Variants in RYR1 observed in about 807,000 individuals in gnomAD.
The protein encoded by RYR1 is ryanodine receptor 1, also known as central core disease of muscle.
Under a neutral mutation model 583.5 loss-of-function variants are expected in RYR1, and 342 were observed. The observed-to-expected ratio is 0.59, with a 90% CI of 0.54 to 0.64. The LOEUF (loss-of-function observed/expected upper bound fraction) is 0.64. Among genes scored for constraint, RYR1 ranks in the 30% least tolerant of loss-of-function variants. RYR1 has a pLI of 0.00. For missense variants in RYR1, 6,032 were observed against 6,917.2 expected (o/e 0.87, Z 4.54); for synonymous variants, 2,791 against 2,822.5 (o/e 0.99, Z 0.35).
At chr19:38,583,691 C>T (rs1974319431) in intron 101 of RYR1, among the ~76,000 whole-genome samples, 1 of 152,070 alleles carries the variant, frequency 6.6e-6, no homozygotes, top group South Asian at 2.1e-4. Context: ...GCCTGGTCCT[C>T]TTTCAGTTCC....
Position 38,565,127 on chromosome 19 carries a change from G to A in RYR1, c.12793G>A (p.Ala4265Thr). The change falls in exon 91 of 106, where the codon GCG becomes ACG. Residue 4265 changes from alanine to threonine, a missense_variant. Around this residue, in one of 11 missense-constraint regions of RYR1, gnomAD observed 753 missense variants for 759.6 expected, o/e 0.99. Transcript: ENST00000359596. The surrounding 1 kb of genome is among the most constrained non-coding windows in gnomAD (Gnocchi z 4.7). Reference sequence around the variant, plus strand: ...GCCGGAGACCGACGAGGACGAGGGCGCGGGCGCGGCGGAGGCGGGCGCGGA... The same window carrying A: ...GCCGGAGACCGACGAGGACGAGGGCACGGGCGCGGCGGAGGCGGGCGCGGA... ...GEPETDEDEG[A>T]GAAEAGAEGA... 1.3e-6 allele frequency: 2 copies of A among 1,531,958 alleles called. No individual in the cohort carries two copies. Among genetic ancestry groups the A allele is most frequent in the South Asian group, 1.2e-5 (1 of 83,848 alleles). The allele number at this position is 1,531,958 out of a possible 1,614,324, so 94.9% of individuals were successfully genotyped here.
chr19:38,538,330 A>G (rs952227030), intron 84 of RYR1, among the ~76,000 whole-genome samples: 2 of 152,126 alleles, frequency 1.3e-5, no homozygotes, highest in East Asian at 1.9e-4. Flanking sequence ...AACCCATGAG[A>G]TGGAGGTTGC....
rs79621739 is a variant in RYR1, at chr19:38,504,602, G to A, written c.8068-146G>A. On this transcript the variant is annotated intron_variant, in intron 50 of 105. Coordinates refer to ENST00000359596, the MANE Select transcript of RYR1 (RefSeq NM_000540.3). ...ATGATTTGAGCATACAATTGGGACTGACATTTGGGTTTCAAGGAGAGGGAC... is the reference window on the plus strand; with the variant it reads ...ATGATTTGAGCATACAATTGGGACTAACATTTGGGTTTCAAGGAGAGGGAC... The A allele has an allele frequency of 1.1e-3, 1,270 of 1,185,188 alleles. 17 individuals carry two copies. The East Asian group carries it at 0.031, about 29-fold the overall frequency. The allele number at this position is 1,185,188 out of a possible 1,614,324, so 73.4% of individuals were successfully genotyped here.
chr19:38,517,414 G>A lies in RYR1; in HGVS notation c.9741G>A (p.Glu3247=). ...TGTGTCCCGACATCCCGGTGCTGGA[G>A]CGGCTCATGGCAGACATTGGGGGGC... is the stretch of plus-strand genomic sequence containing the variant. ...EEMCPDIPVL[E]RLMADIGGLA... The change falls in exon 66 of 106, where the codon GAG becomes GAA. Residue 3247 remains glutamate (E), a synonymous_variant. Transcript: ENST00000359596. 6.2e-7 allele frequency: 1 copy of A among 1,614,120 alleles called. No homozygotes were observed. Among genetic ancestry groups the A allele is most frequent in the South Asian group, 1.1e-5 (1 of 91,080 alleles).
Position 38,463,490 on chromosome 19 carries a change from C to T in RYR1, c.2645C>T (p.Ala882Val), listed in dbSNP as rs143701391. 564 of 1,613,228 alleles carry T rather than the reference C, an allele frequency of 3.5e-4. No homozygotes were observed. Among genetic ancestry groups the T allele is most frequent in the Non-Finnish European group, 4.6e-4 (541 of 1,180,002 alleles). The change falls in exon 21 of 106, where the codon GCG becomes GTG. Residue 882 changes from alanine to valine, a missense_variant. Ala to Val is a moderately conservative substitution (Grantham distance 64). Coordinates refer to ENST00000359596, the MANE Select transcript of RYR1 (RefSeq NM_000540.3). Reference protein sequence around the residue: ...KLAENIHELWALTRIEQGWTY... With the variant: ...KLAENIHELWVLTRIEQGWTY... ...GCGGAGAACATCCACGAGCTCTGGG[C>T]GCTAACCCGCATCGAGCAGGGCTGG...
intron 12 of RYR1, 112 bp downstream of exon 12, chr19:38,451,997 C>G (rs772704122): frequency 2.4e-5 from 36 of 1,470,642 alleles, no homozygotes; most frequent in Non-Finnish European, 3.3e-5. Flanking sequence ...CCTTGTCTAA[C>G]ATATACATGG....
chr19:38,501,670 A>C (rs1040785167), intron 47 of RYR1, among the ~76,000 whole-genome samples: 8 of 152,124 alleles, frequency 5.3e-5, no homozygotes, highest in African/African-American at 1.7e-4. Context: ...TCAGCAGGGG[A>C]CAGAAGCCTT....
chr19:38,587,166 G>A (rs1171997904), intron 105 of RYR1, among the ~76,000 whole-genome samples, 159 bp from the exon 106 acceptor site: 1 of 152,014 alleles, frequency 6.6e-6, no homozygotes, highest in Non-Finnish European at 1.5e-5. Context: ...AGACTGAGGT[G>A]GAGAATCGCT....
intron 55 of RYR1, 21 bp downstream of exon 55, chr19:38,506,398 G>A: frequency 1.9e-6 from 3 of 1,613,794 alleles, no homozygotes; most frequent in Non-Finnish European, 2.5e-6. Context: ...TGATCCTTTT[G>A]GGGGGACATA....
chr19:38,534,274 G>A (rs2145742589), intron 78 of RYR1, among the ~76,000 whole-genome samples: 1 of 152,168 alleles, frequency 6.6e-6, no homozygotes, highest in Non-Finnish European at 1.5e-5. Flanking sequence ...GCCTCCCAAA[G>A]TGCTGGGATT....
rs569415667 is a variant in RYR1 at position 38,536,404 on chromosome 19, C to T, written c.11590+334C>T. ...TGTTCTCTTATTAATGTCCCTAATC[C>T]GGGTTAATCGCGTCTCCTCTTTGCC... On this transcript the variant is annotated intron_variant, in intron 82 of 105. Coordinates refer to ENST00000359596, the MANE Select transcript of RYR1 (RefSeq NM_000540.3). Among the ~76,000 whole-genome samples, 102 of 151,374 alleles carry T rather than the reference C, an allele frequency of 6.7e-4. 1 individual carries two copies. Among genetic ancestry groups the T allele is most frequent in the Admixed American group, 1.1e-3 (17 of 15,140 alleles).
intron 22 of RYR1, 30 bp from the exon 23 acceptor site, chr19:38,464,609 G>C: frequency 6.4e-7 from 1 of 1,553,314 alleles, no homozygotes; most frequent in South Asian, 1.2e-5. Context: ...TGAGGGGCGT[G>C]ACCTGTCGCC....
chr19:38,482,991 C>T lies in RYR1; in HGVS notation c.4621-36C>T, dbSNP rs886038333. 1 of 1,578,446 alleles carries T rather than the reference C, an allele frequency of 6.3e-7. No homozygotes were observed. Among genetic ancestry groups the T allele is most frequent in the Admixed American group, 1.7e-5 (1 of 59,976 alleles). On this transcript the variant is annotated intron_variant, in intron 31 of 105. Transcript: ENST00000359596. ...CAGAGTCAACCCTCCCTCCAGCCCA[C>T]CCGTTTGCTCACCTCGTCCTCTTCT...
chr19:38,528,393 A>T lies in RYR1; in HGVS notation c.10912A>T (p.Met3638Leu). ...RRRAVVACFR[M>L]TPLYNLPTHR... ...GCGGGCAGTCGTGGCCTGTTTCCGT[A>T]TGACGCCCCTGTACAACCTGCCCAC... is the stretch of plus-strand genomic sequence containing the variant. Residue 3638 changes from methionine (M) to leucine (L), a missense_variant, in exon 74 of 106, where the codon ATG becomes TTG. Met to Leu is a conservative substitution (Grantham distance 15). Around this residue, in one of 11 missense-constraint regions of RYR1, gnomAD observed 1,493 missense variants for 1,715.5 expected, o/e 0.87. Transcript: ENST00000359596. The T allele has an allele frequency of 6.2e-7, 1 of 1,614,140 alleles. No homozygotes were observed. The highest frequency in any genetic ancestry group is 8.5e-7 in the Non-Finnish European group (1 of 1,180,036).
At position 38,543,920 on chromosome 19, in the gene RYR1, C is replaced by G. The variant is rs748146777; in HGVS notation, c.12012+45C>G. On this transcript the variant is annotated intron_variant, in intron 87 of 105. Coordinates refer to ENST00000359596, the MANE Select transcript of RYR1 (RefSeq NM_000540.3). The surrounding 1 kb of genome is among the most constrained non-coding windows in gnomAD (Gnocchi z 4.4). ...CCATCCACCTGCTTCCGGGCGTCCC[C>G]CAAGTGGTCCATTTCCAAGTCTTGC... The G allele has an allele frequency of 4.5e-6, 7 of 1,563,816 alleles. No individual in the cohort carries two copies.
chr19:38,476,844 A>G (rs748899696), intron 29 of RYR1, among the ~76,000 whole-genome samples: 11 of 152,192 alleles, frequency 7.2e-5, no homozygotes, highest in Middle Eastern at 3.4e-3. Context: ...TACCTACCTG[A>G]TATGGAGGAT....
In RYR1 at chr19:38,543,368, CACAG is replaced by C; in HGVS notation, c.11716_11719del (p.Thr3906GlyfsTer92). ...CCAGATTTCCAGAACTACCTACGGA[CACAG>C]ACAGGGAACACGACCACTATTAACA... On this transcript the variant is annotated frameshift_variant, in exon 85 of 106. Transcript: ENST00000359596. LOFTEE classifies it high-confidence loss of function. This position sits in a 1 kb window ranked among gnomAD's most constrained non-coding sequence, Gnocchi z 4.4. 1 of 1,614,214 alleles carries C rather than the reference CACAG, an allele frequency of 6.2e-7. No individual in the cohort carries two copies.
At chr19:38,548,845 G>A (rs1972543825) in intron 89 of RYR1, among the ~76,000 whole-genome samples, 1 of 152,196 alleles carries the variant, frequency 6.6e-6, no homozygotes. Flanking sequence ...GCCTCCCAAA[G>A]TGCTGGGATT....
chr19:38,580,439 C>T lies in RYR1; in HGVS notation c.14581C>T (p.Arg4861Cys), dbSNP rs118192181. 1 of 1,614,120 alleles carries T rather than the reference C, an allele frequency of 6.2e-7. No homozygotes were observed. The highest frequency in any genetic ancestry group is 8.5e-7 in the Non-Finnish European group (1 of 1,180,008). Residue 4861 changes from arginine to cysteine, a missense_variant, in exon 101 of 106, where the codon CGC becomes TGC. This residue lies in a region of RYR1 where 189 missense variants were observed against 350.3 expected (regional missense o/e 0.54). Coordinates refer to ENST00000359596, the MANE Select transcript of RYR1 (RefSeq NM_000540.3). Reference sequence around the variant, plus strand: ...CACCGTGGTGGCCTTCAACTTCTTCCGCAAGTTCTACAACAAGAGCGAGGA... The same window carrying T: ...CACCGTGGTGGCCTTCAACTTCTTCTGCAAGTTCTACAACAAGAGCGAGGA... Reference protein sequence around the residue: ...LYTVVAFNFFRKFYNKSEDED... With the variant: ...LYTVVAFNFFCKFYNKSEDED...
Sources: gnomAD v4.1 joint callset for allele counts (sites outside exome capture counted in the v4.1 genomes callset) on GRCh38, gnomAD v4.1.1 for gene constraint, gnomAD v4.1.1 regional missense constraint, Gnocchi (gnomAD v3.1) non-coding constraint, MANE v1.5 for transcripts, NCBI Gene and HGNC (gene_info 2026-07-23, HGNC 2026-07-21) for gene names.